The following DHRS12 variants were observed in gnomAD, a reference collection of about 807,000 sequenced individuals.
The protein encoded by DHRS12 is dehydrogenase/reductase SDR family member 12.
A neutral mutation model predicts 32.1 loss-of-function variants in DHRS12; 29 were observed. That is an observed-to-expected ratio of 0.90 (90% CI 0.67 to 1.23). DHRS12 has a LOEUF of 1.23. Among genes scored for constraint, DHRS12 ranks in the 50% most tolerant of loss-of-function variants. DHRS12 has a pLI of 0.00. For missense variants in DHRS12, 330 were observed against 337.2 expected (o/e 0.98, Z 0.17); for synonymous variants, 150 against 135.9 (o/e 1.10, Z -0.72).
At chr13:51,770,867 C>A in intron 7 of DHRS12, 1 of 1,113,278 alleles carries the variant, frequency 9.0e-7, no homozygotes, top group African/African-American at 1.6e-5. Flanking sequence ...CAGCCCTGAA[C>A]AGATTTTGCA....
At chr13:51,766,358 C>T (rs919152656), downstream of DHRS12, 1 of 152,264 alleles carries the variant, frequency 6.6e-6, no homozygotes, top group Admixed American at 6.5e-5. Context: ...CCATTCTCTA[C>T]ATCCACCGGA....
intron 7 of DHRS12, 56 bp from the exon 8 acceptor site, chr13:51,769,349 G>C: frequency 7.8e-7 from 1 of 1,280,468 alleles, no homozygotes; most frequent in Non-Finnish European, 1.0e-6. Flanking sequence ...AAATGTGGTT[G>C]ACTTCCCTTA....
chr13:51,755,245 C>G, the DHRS12 span: 2 of 963,840 alleles, frequency 2.1e-6, no homozygotes, highest in South Asian at 3.3e-5. Context: ...AGAAATCACA[C>G]CTCTGTTTCT....
intron 6 of DHRS12, 23 bp from the exon 7 acceptor site, chr13:51,771,934 G>T (rs778610796): frequency 1.9e-6 from 3 of 1,612,340 alleles, no homozygotes; most frequent in African/African-American, 1.3e-5. Flanking sequence ...GAGCGAGGGG[G>T]TGAACAGGAG....
At chr13:51,789,693 C>T (rs1024913354) in intron 4 of DHRS12, 1 of 985,292 alleles carries the variant, frequency 1.0e-6, no homozygotes, top group Non-Finnish European at 1.2e-6. Context: ...CCTTTGGTTG[C>T]AGTTTTTAGA....
At chr13:51,757,174 C>G in the DHRS12 span, among the ~76,000 whole-genome samples, 1 of 152,110 alleles carries the variant, frequency 6.6e-6, no homozygotes, top group Non-Finnish European at 1.5e-5. Context: ...TCTTATTTAT[C>G]CATATCAAAT....
At position 51,768,247 on chromosome 13, in the gene DHRS12, TGAG is replaced by T. The variant is rs1460715963; in HGVS notation, c.744_746del (p.Ser249del). ...CAATGAGTTTCTCCTCTTCGGCCGG[TGAG>T]GAGGACGCTGTAGCGAGAGGCAAGT... On this transcript the variant is annotated inframe_deletion, in exon 9 of 9. Transcript: ENST00000444610. 4 of 1,535,934 alleles carry T rather than the reference TGAG, an allele frequency of 2.6e-6. No individual in the cohort carries two copies. The highest frequency in any genetic ancestry group is 2.0e-5 in the Admixed American group (1 of 50,988).
rs941653226 is a variant in DHRS12 at position 51,782,094 on chromosome 13, T to C, written c.302-4973A>G. The stretch of plus-strand genomic sequence containing the variant: ...TGTCAAGGACAAGCGGTGACGGAGA[T>C]GATGCTGGCCACTGGGGTGGGGCCC... On this transcript the variant is annotated intron_variant, in intron 4 of 8. Transcript: ENST00000444610. The surrounding 1 kb of genome is among the most constrained non-coding windows in gnomAD (Gnocchi z 4.2). Among the ~76,000 whole-genome samples the C allele has an allele frequency of 6.6e-6, 1 of 151,996 alleles. No homozygotes were observed. Among genetic ancestry groups the C allele is most frequent in the African/African-American group, 2.4e-5 (1 of 41,398 alleles).
At chr13:51,768,756 G>A (rs1005228716) in intron 8 of DHRS12, 4 of 1,140,898 alleles carry the variant, frequency 3.5e-6, no homozygotes, top group Admixed American at 4.5e-5. Flanking sequence ...ACAGATCACT[G>A]CTTCCAAAAA....
intron 1 of DHRS12, chr13:51,803,805 G>C: frequency 3.0e-6 from 1 of 333,056 alleles, no homozygotes; most frequent in Non-Finnish European, 5.3e-6. Context: ...CCCTGGGCTT[G>C]GGCGCGCCAC....
chr13:51,770,080 G>A (rs1863771410), intron 7 of DHRS12, among the ~76,000 whole-genome samples: 1 of 152,226 alleles, frequency 6.6e-6, no homozygotes, highest in African/African-American at 2.4e-5. Context: ...GAGCCTTACT[G>A]AGATCATGGA....
intron 4 of DHRS12, among the ~76,000 whole-genome samples, chr13:51,779,613 G>C (rs865835456): frequency 2.6e-5 from 4 of 152,230 alleles, no homozygotes; most frequent in African/African-American, 7.2e-5. Flanking sequence ...GTTGTGATGA[G>C]AGTCCATGGA....
chr13:51,770,930 G>A (rs1165519585), intron 7 of DHRS12: 1 of 1,260,752 alleles, frequency 7.9e-7, no homozygotes, highest in Admixed American at 3.7e-5. Context: ...ACTGTGATAA[G>A]CAACCTTGTT....
At chr13:51,760,807 A>C in the DHRS12 span, 1 of 152,350 alleles carries the variant, frequency 6.6e-6, no homozygotes, top group Admixed American at 6.5e-5. Context: ...TCCTGTGAGA[A>C]TCTGACGCCA....
intron 4 of DHRS12, among the ~76,000 whole-genome samples, chr13:51,787,695 T>C (rs956454172): frequency 2.8e-5 from 4 of 140,744 alleles, no homozygotes; most frequent in African/African-American, 7.9e-5. Flanking sequence ...AAAGTATAAA[T>C]ATATATAAAT....
chr13:51,788,810 T>C (rs1013418804), intron 4 of DHRS12, among the ~76,000 whole-genome samples: 1 of 151,866 alleles, frequency 6.6e-6, no homozygotes, highest in African/African-American at 2.4e-5. Context: ...CAGTGAGCCA[T>C]GATCACGTCA....
chr13:51,790,194 T>C, intron 3 of DHRS12, 102 bp from the exon 4 acceptor site: 1 of 852,232 alleles, frequency 1.2e-6, no homozygotes, highest in Non-Finnish European at 1.7e-6. Context: ...CTTTTTCAAC[T>C]TTCAAGTGAC....
the DHRS12 span, among the ~76,000 whole-genome samples, chr13:51,759,218 A>G: frequency 6.6e-6 from 1 of 152,216 alleles, no homozygotes; most frequent in Admixed American, 6.5e-5. Context: ...AAACTCTGGC[A>G]GCCTCAGGTC....
At position 51,782,109 on chromosome 13, in the gene DHRS12, G is replaced by C. The variant is rs1954742081; in HGVS notation, c.302-4988C>G. Among the ~76,000 whole-genome samples the C allele has an allele frequency of 6.6e-6, 1 of 152,158 alleles. No individual in the cohort carries two copies. Among genetic ancestry groups the C allele is most frequent in the African/African-American group, 2.4e-5 (1 of 41,440 alleles). Reference sequence around the variant, plus strand: ...GTGACGGAGATGATGCTGGCCACTGGGGTGGGGCCCATTACAGGAGCAGAC... The same window carrying C: ...GTGACGGAGATGATGCTGGCCACTGCGGTGGGGCCCATTACAGGAGCAGAC... On this transcript the variant is annotated intron_variant, in intron 4 of 8. Transcript: ENST00000444610. This position sits in a 1 kb window ranked among gnomAD's most constrained non-coding sequence, Gnocchi z 4.2.
Sources: gnomAD v4.1 joint callset for allele counts (sites outside exome capture counted in the v4.1 genomes callset) on GRCh38, gnomAD v4.1.1 for gene constraint, Gnocchi (gnomAD v3.1) non-coding constraint, MANE v1.5 for transcripts, NCBI Gene and HGNC (gene_info 2026-07-23, HGNC 2026-07-21) for gene names.